Variants in MALAT1 observed in about 807,000 individuals in gnomAD.
MALAT1 encodes hepcarcin.
chr11:65,499,319 T>G, exon 3 of MALAT1: 1 of 507,428 alleles, frequency 2.0e-6, no homozygotes, highest in South Asian at 1.4e-5. Context: ...GAGATGAAGC[T>G]TCTTCATGGA....
exon 3 of MALAT1, chr11:65,500,541 C>T (rs1565051605): frequency 3.9e-6 from 2 of 518,836 alleles, no homozygotes; most frequent in South Asian, 1.4e-5. Flanking sequence ...GTCCAGGAGC[C>T]AGTGCGATTT....
exon 3 of MALAT1, chr11:65,502,041 G>T: frequency 1.9e-6 from 1 of 516,944 alleles, no homozygotes; most frequent in Non-Finnish European, 3.9e-6. Context: ...TTTCCCCCCA[G>T]TTTGAATTGG....
At chr11:65,498,485 C>G (rs767794912) in intron 1 of MALAT1, 1 of 517,284 alleles carries the variant, frequency 1.9e-6, no homozygotes, top group Non-Finnish European at 3.9e-6. Flanking sequence ...CCCAAGCAGA[C>G]AGCCCGTGCT....
rs761448352 is a variant in MALAT1, at chr11:65,505,319, TGAG to T, written n.5169-938_5169-936del. ...AGCCTCACCTGATTTTTATTAGTAA[TGAG>T]GACTTGCCTCAACTCCCTCTTTCTG... On this transcript the variant is annotated intron_variant and non_coding_transcript_variant, in intron 3 of 3. Coordinates refer to ENST00000619449, the Ensembl canonical transcript of MALAT1. The T allele has an allele frequency of 9.6e-6, 5 of 518,924 alleles. No homozygotes were observed. In the Admixed American group the frequency reaches 9.7e-5, roughly 10 times the overall value. 32.1% of individuals were successfully genotyped at this position (518,924 alleles called of 1,614,324 possible).
exon 3 of MALAT1, chr11:65,500,938 T>G (rs377005458): frequency 6.2e-5 from 32 of 512,560 alleles, no homozygotes; most frequent in Non-Finnish European, 1.1e-4. Context: ...CTTATACTCA[T>G]GAATCTTGTC....
At chr11:65,503,230 A>AT (rs754213111) in exon 3 of MALAT1, 6 of 514,668 alleles carry the variant, frequency 1.2e-5, no homozygotes, top group African/African-American at 1.2e-4. Context: ...CATGTTAGGG[A>AT]TAAGTGCTTA....
At chr11:65,504,146 T>C (rs1383065411) in intron 3 of MALAT1, 1 of 516,890 alleles carries the variant, frequency 1.9e-6, no homozygotes, top group Non-Finnish European at 3.9e-6. Flanking sequence ...CATTTCATCC[T>C]TCATGAAGCC....
chr11:65,499,727 T>A (rs1417363793), exon 3 of MALAT1: 1 of 432,276 alleles, frequency 2.3e-6, no homozygotes, highest in Non-Finnish European at 4.5e-6. Flanking sequence ...AATTAGAAGA[T>A]AAAAACATAC....
chr11:65,500,466 T>G, exon 3 of MALAT1: 1 of 518,844 alleles, frequency 1.9e-6, no homozygotes, highest in South Asian at 1.4e-5. Flanking sequence ...GGAACCAGTG[T>G]TTGATGAAGC....
At chr11:65,505,203 G>A (rs77064718) in intron 3 of MALAT1, 1 of 518,512 alleles carries the variant, frequency 1.9e-6, no homozygotes, top group South Asian at 1.4e-5. Flanking sequence ...CTCACTAAAG[G>A]CACCGAAGGC....
exon 3 of MALAT1, chr11:65,500,045 G>A (rs943984693): frequency 2.3e-6 from 1 of 434,470 alleles, no homozygotes; most frequent in East Asian, 7.0e-5. Flanking sequence ...TTAATTTCTG[G>A]TGGTGCAGAA....
intron 1 of MALAT1, chr11:65,497,956 T>G (rs747217984): frequency 5.8e-6 from 3 of 518,956 alleles, no homozygotes; most frequent in East Asian, 5.4e-5. Flanking sequence ...GCTGTCCTTA[T>G]AGGCTGGCCA....
At chr11:65,501,940 ACT>A in exon 3 of MALAT1, 1 of 517,838 alleles carries the variant, frequency 1.9e-6, no homozygotes, top group Non-Finnish European at 3.9e-6. Context: ...TTGCAGATAA[ACT>A]CATGCCAGAG....
exon 3 of MALAT1, chr11:65,500,509 T>C (rs1278941779): frequency 1.9e-6 from 1 of 518,864 alleles, no homozygotes; most frequent in Non-Finnish European, 3.8e-6. Context: ...AAGCAGCAGT[T>C]CGTGGTGAAG....
chr11:65,501,842 G>A (rs960180578), exon 3 of MALAT1: 3 of 517,484 alleles, frequency 5.8e-6, no homozygotes, highest in Non-Finnish European at 1.2e-5. Flanking sequence ...TTTATTAAAG[G>A]GGAGGGGCAA....
chr11:65,504,871 A>G (rs771218283), intron 3 of MALAT1: 1 of 518,942 alleles, frequency 1.9e-6, no homozygotes, highest in Non-Finnish European at 3.8e-6. Context: ...CAGACCCAGT[A>G]AGAAAAAATA....
At chr11:65,505,029 C>T (rs763656114) in intron 3 of MALAT1, 1 of 518,890 alleles carries the variant, frequency 1.9e-6, no homozygotes, top group Non-Finnish European at 3.8e-6. Flanking sequence ...GGTGAACAAG[C>T]TTTTTCTGTA....
exon 3 of MALAT1, chr11:65,499,048 C>A (rs111409127): frequency 1.9e-6 from 1 of 517,980 alleles, no homozygotes. Context: ...GTGCGGTAGG[C>A]ATTGAGGCAG....
At chr11:65,503,796 T>C in exon 3 of MALAT1, 1 of 515,760 alleles carries the variant, frequency 1.9e-6, no homozygotes, top group Non-Finnish European at 3.9e-6. Flanking sequence ...AATGTAACTT[T>C]AAGGCAGGAA....
Sources: allele counts gnomAD v4.1 joint callset, GRCh38; gene constraint gnomAD v4.1.1; transcripts MANE v1.5; gene names NCBI Gene and HGNC (gene_info 2026-07-23, HGNC 2026-07-21).